The following GRIA1 variants were observed in gnomAD, a reference collection of about 807,000 sequenced individuals.
The protein encoded by GRIA1 is glutamate ionotropic receptor AMPA type subunit 1.
GRIA1 carries 31 observed loss-of-function variants against 99.2 expected under a neutral mutation model. The observed-to-expected ratio is 0.31, with a 90% CI of 0.23 to 0.42. The LOEUF (loss-of-function observed/expected upper bound fraction) is 0.42, where lower values mean the gene tolerates loss of function less well. Ranked by LOEUF, GRIA1 falls within the 10% of genes least tolerant of loss-of-function variation. The pLI, the probability that GRIA1 is intolerant of heterozygous loss-of-function variation, is 1.00. For missense variants in GRIA1, 782 were observed against 1,157.5 expected, an observed-to-expected ratio of 0.68 and a Z score of 4.71; for synonymous variants, 438 against 432.4, an observed-to-expected ratio of 1.01 and a Z score of -0.16.
At chr5:153,595,073 T>C (rs1382828164) in intron 2 of GRIA1, among the ~76,000 whole-genome samples, 1 of 152,158 alleles carries the variant, frequency 6.6e-6, no homozygotes, top group African/African-American at 2.4e-5. Flanking sequence ...TCAGATGTTG[T>C]ACTTCCTTTG....
chr5:153,747,150 G>A (rs1376421035), intron 11 of GRIA1, among the ~76,000 whole-genome samples: 1 of 152,120 alleles, frequency 6.6e-6, no homozygotes, highest in Admixed American at 6.6e-5. Context: ...CAGTTCTGTG[G>A]GCTATACAAG....
chr5:153,513,651 G>T (rs1422201651), intron 2 of GRIA1, among the ~76,000 whole-genome samples: 1 of 152,132 alleles, frequency 6.6e-6, no homozygotes, highest in Non-Finnish European at 1.5e-5. Flanking sequence ...CTTTGTTTCA[G>T]TTTCCCTCCA....
intron 11 of GRIA1, among the ~76,000 whole-genome samples, chr5:153,756,429 TGCCCTG>T (rs1762831606): frequency 6.6e-6 from 1 of 152,208 alleles, no homozygotes; most frequent in African/African-American, 2.4e-5. Context: ...GTAAGAGAAC[TGCCCTG>T]GCCATACAGG....
At chr5:153,726,595 A>G (rs1371047950) in intron 11 of GRIA1, among the ~76,000 whole-genome samples, 1 of 152,162 alleles carries the variant, frequency 6.6e-6, no homozygotes, top group Non-Finnish European at 1.5e-5. Flanking sequence ...AACTACCATC[A>G]GAATACTACA....
intron 2 of GRIA1, among the ~76,000 whole-genome samples, chr5:153,537,856 T>C (rs1392780592): frequency 1.3e-5 from 2 of 152,242 alleles, no homozygotes; most frequent in Non-Finnish European, 2.9e-5. Flanking sequence ...TTGTTTTTAA[T>C]AACCACTGGA....
At chr5:153,551,912 A>G (rs1266503797) in intron 2 of GRIA1, among the ~76,000 whole-genome samples, 5 of 152,156 alleles carry the variant, frequency 3.3e-5, no homozygotes, top group African/African-American at 1.2e-4. Context: ...GGAAAATACT[A>G]TAGTCACCCT....
rs375452815 is a variant in GRIA1, at chr5:153,777,475, T to A, written c.2270+7060T>A. 3.9e-5 allele frequency among the ~76,000 whole-genome samples: 6 copies of A among 152,008 alleles called. No individual in the cohort carries two copies. The East Asian group carries it at 9.7e-4, about 24-fold the overall frequency. ...AACGTCTGTCTTCTTATCTGAAAAATTGGAATAATAATTTTGTGCAGCTGC... is the reference window on the plus strand; with the variant it reads ...AACGTCTGTCTTCTTATCTGAAAAAATGGAATAATAATTTTGTGCAGCTGC... On this transcript the variant is annotated intron_variant, in intron 13 of 15. Transcript: ENST00000285900.
intron 11 of GRIA1, among the ~76,000 whole-genome samples, chr5:153,732,612 TA>T (rs1761114530): frequency 6.6e-6 from 1 of 152,114 alleles, no homozygotes; most frequent in African/African-American, 2.4e-5. Flanking sequence ...GTGTCATATA[TA>T]GTTTGAATAT....
chr5:153,524,223 A>T lies in GRIA1; in HGVS notation c.220+30158A>T, dbSNP rs184671861. Among the ~76,000 whole-genome samples, 275 of 152,302 alleles carry T rather than the reference A, an allele frequency of 1.8e-3. 1 individual carries two copies. The highest frequency in any genetic ancestry group is 6.4e-3 in the African/African-American group (267 of 41,566). Reference sequence around the variant, plus strand: ...TCACCTGTAGTCCCAGCTACTCAGGAGGCTGAGGCAGGAGAATTGCTTGAA... The same window carrying T: ...TCACCTGTAGTCCCAGCTACTCAGGTGGCTGAGGCAGGAGAATTGCTTGAA... On this transcript the variant is annotated intron_variant, in intron 2 of 15. Coordinates refer to ENST00000285900, the MANE Select transcript of GRIA1 (RefSeq NM_000827.4).
intron 2 of GRIA1, among the ~76,000 whole-genome samples, chr5:153,588,844 G>C (rs776272331): frequency 2.3e-4 from 35 of 152,106 alleles, no homozygotes; most frequent in Non-Finnish European, 4.1e-4. Context: ...TATCCAAAAT[G>C]TATAACCCTT....
intron 2 of GRIA1, among the ~76,000 whole-genome samples, chr5:153,631,339 C>T (rs1752952054): frequency 6.6e-6 from 1 of 152,240 alleles, no homozygotes; most frequent in Non-Finnish European, 1.5e-5. Flanking sequence ...CTCTGATCAA[C>T]TCATATATTT....
chr5:153,757,362 C>T (rs1581605166), intron 11 of GRIA1, among the ~76,000 whole-genome samples: 4 of 152,052 alleles, frequency 2.6e-5, no homozygotes, highest in South Asian at 4.1e-4. Flanking sequence ...AAGAAAAACA[C>T]AAAAGGGTAG....
chr5:153,739,839 A>G (rs1175340256), intron 11 of GRIA1, among the ~76,000 whole-genome samples: 1 of 152,228 alleles, frequency 6.6e-6, no homozygotes, highest in Non-Finnish European at 1.5e-5. Context: ...CATAGCTTTA[A>G]AAACTTGAGT....
intron 2 of GRIA1, among the ~76,000 whole-genome samples, chr5:153,611,860 G>A (rs758321849): frequency 2.0e-5 from 3 of 152,202 alleles, no homozygotes; most frequent in African/African-American, 7.2e-5. Flanking sequence ...TATGTTTTCC[G>A]CCTGGCCTTG....
At chr5:153,776,318 G>A (rs561506114) in intron 13 of GRIA1, among the ~76,000 whole-genome samples, 20 of 152,178 alleles carry the variant, frequency 1.3e-4, no homozygotes, top group African/African-American at 3.9e-4. Context: ...AGTCTGTTAC[G>A]TAAGCTTTCT....
chr5:153,677,330 T>TAA (rs369541225), intron 7 of GRIA1, among the ~76,000 whole-genome samples, 169 bp downstream of exon 7: 305 of 149,646 alleles, frequency 2.0e-3, no homozygotes, highest in African/African-American at 7.1e-3. Context: ...GAAGCTCATA[T>TAA]AAAAAAAAAA....
intron 12 of GRIA1, among the ~76,000 whole-genome samples, chr5:153,767,607 G>T (rs141874088): frequency 6.6e-6 from 1 of 152,230 alleles, no homozygotes; most frequent in East Asian, 1.9e-4. Flanking sequence ...GGGGAGATAA[G>T]GTTACCTACC....
chr5:153,620,923 C>T (rs1257051915), intron 2 of GRIA1, among the ~76,000 whole-genome samples: 6 of 152,114 alleles, frequency 3.9e-5, no homozygotes. Context: ...TTTTGTTCTT[C>T]TGTTAAATAT....
chr5:153,632,124 C>T (rs1210155150), intron 2 of GRIA1, among the ~76,000 whole-genome samples: 1 of 152,006 alleles, frequency 6.6e-6, no homozygotes, highest in Non-Finnish European at 1.5e-5. Context: ...AAAAGAGCTT[C>T]CTGGCTGCTA....
Sources: allele counts gnomAD v4.1 joint callset (sites outside exome capture counted in the v4.1 genomes callset), GRCh38; gene constraint gnomAD v4.1.1; transcripts MANE v1.5; gene names NCBI Gene and HGNC (gene_info 2026-07-23, HGNC 2026-07-21).